RASA2: variants seen among roughly 807,000 people sequenced by gnomAD.
RASA2 encodes the protein RAS p21 protein activator 2.
In RASA2, 155 loss-of-function variants were observed where a neutral mutation model predicts 118.2. The ratio of observed to expected loss-of-function variants is 1.31; its 90% CI spans 1.15 to 1.50. RASA2 has a LOEUF of 1.50. RASA2 is among the 40% of genes most tolerant of loss of function. RASA2 has a pLI of 0.00. For missense variants in RASA2, 1,016 were observed against 1,009.6 expected, an observed-to-expected ratio of 1.01 and a Z score of -0.09; for synonymous variants, 353 against 349.1, an observed-to-expected ratio of 1.01 and a Z score of -0.12.
At chr3:141,597,327 C>G (rs190131780) in intron 19 of RASA2, among the ~76,000 whole-genome samples, 164 of 152,262 alleles carry the variant, frequency 1.1e-3, no homozygotes, top group Non-Finnish European at 3.8e-4. Flanking sequence ...AAAAATTACG[C>G]TAAGTGAAAG....
In RASA2 at chr3:141,601,442, C is replaced by CA. The variant is rs1389869393; in HGVS notation, c.1934-6227dup. Among the ~76,000 whole-genome samples the CA allele has an allele frequency of 4.2e-5, 6 of 143,796 alleles. No homozygotes were observed. In the East Asian group the frequency reaches 8.3e-4, roughly 20 times the overall value. 94.3% of individuals were successfully genotyped at this position (143,796 alleles called of 152,430 possible). A position where few individuals can be genotyped will look rare whatever the true frequency, so the allele number is the denominator to read the frequency against. On this transcript the variant is annotated intron_variant, in intron 19 of 23. Transcript: ENST00000286364. ...AGAGAGAGACTGTCTCCACTGTCTCCAAAAAAAAAGAAAAAAAAAAGATGA... is the reference window on the plus strand; with the variant it reads ...AGAGAGAGACTGTCTCCACTGTCTCCAAAAAAAAAAGAAAAAAAAAAGATGA...
At chr3:141,529,371 C>T (rs2082226727) in intron 3 of RASA2, among the ~76,000 whole-genome samples, 1 of 152,018 alleles carries the variant, frequency 6.6e-6, no homozygotes, top group Non-Finnish European at 1.5e-5. Flanking sequence ...TTTGCACTAC[C>T]ATTGTACCTT....
At chr3:141,558,676 CT>C (rs1178710292) in intron 7 of RASA2, among the ~76,000 whole-genome samples, 2 of 145,296 alleles carry the variant, frequency 1.4e-5, no homozygotes, top group Non-Finnish European at 3.1e-5. Context: ...GATGAACAAG[CT>C]GGTATTATTT....
chr3:141,536,767 T>C (rs535125943), intron 4 of RASA2, among the ~76,000 whole-genome samples: 2 of 151,128 alleles, frequency 1.3e-5, no homozygotes, highest in Admixed American at 1.3e-4. Context: ...GATTCTTTTT[T>C]TTTTTTTTTT....
At chr3:141,595,183 G>C (rs1475052241) in intron 19 of RASA2, among the ~76,000 whole-genome samples, 1 of 152,024 alleles carries the variant, frequency 6.6e-6, no homozygotes, top group African/African-American at 2.4e-5. Context: ...TGTGAGGAAG[G>C]GAAGAACAGA....
chr3:141,522,209 G>T (rs1020081582), intron 3 of RASA2, among the ~76,000 whole-genome samples: 3 of 151,908 alleles, frequency 2.0e-5, no homozygotes, highest in Admixed American at 6.6e-5. Context: ...CACACAGATT[G>T]TGCTGTTTTT....
chr3:141,587,041 C>G (rs1398674867), intron 19 of RASA2, among the ~76,000 whole-genome samples: 1 of 152,176 alleles, frequency 6.6e-6, no homozygotes, highest in Non-Finnish European at 1.5e-5. Flanking sequence ...AGAACAACAG[C>G]TAAACCTCTT....
chr3:141,518,482 C>CAAAAAAAAAAAAAAAAA (rs777543417), intron 3 of RASA2, among the ~76,000 whole-genome samples: 2 of 27,032 alleles, frequency 7.4e-5, no homozygotes, highest in Non-Finnish European at 1.4e-4. Flanking sequence ...GACACCATCT[C>CAAAAAAAAAAAAAAAAA]AAAAAAAAAA....
At chr3:141,535,395 A>G (rs1577697387) in intron 4 of RASA2, among the ~76,000 whole-genome samples, 1 of 152,176 alleles carries the variant, frequency 6.6e-6, no homozygotes, top group East Asian at 1.9e-4. Flanking sequence ...GAGTTATTTT[A>G]TATGGAAATG....
chr3:141,596,919 A>G (rs1246457710), intron 19 of RASA2, among the ~76,000 whole-genome samples: 1 of 152,216 alleles, frequency 6.6e-6, no homozygotes, highest in Non-Finnish European at 1.5e-5. Context: ...ACTACTATAC[A>G]TGTAACCTAG....
At chr3:141,496,472 G>GA (rs2081703991) in intron 1 of RASA2, among the ~76,000 whole-genome samples, 1 of 151,956 alleles carries the variant, frequency 6.6e-6, no homozygotes, top group Non-Finnish European at 1.5e-5. Context: ...AAATTTACAA[G>GA]AAAAAAACAA....
chr3:141,574,436 G>T (rs1002026975), intron 14 of RASA2, among the ~76,000 whole-genome samples: 1 of 152,044 alleles, frequency 6.6e-6, no homozygotes, highest in Non-Finnish European at 1.5e-5. Flanking sequence ...TGATCCGCCC[G>T]CCTCGGCCTC....
At chr3:141,535,943 C>G (rs1465579528) in intron 4 of RASA2, among the ~76,000 whole-genome samples, 2 of 152,130 alleles carry the variant, frequency 1.3e-5, no homozygotes, top group Non-Finnish European at 2.9e-5. Context: ...CTTATTTTCC[C>G]AAACTGTATG....
chr3:141,540,452 T>G, intron 4 of RASA2, 81 bp from the exon 5 acceptor site: 1 of 1,120,064 alleles, frequency 8.9e-7, no homozygotes, highest in South Asian at 1.3e-5. Flanking sequence ...ATAAATACTG[T>G]GGTGATTTGA....
chr3:141,556,010 C>T (rs1353552231), intron 7 of RASA2, 98 bp downstream of exon 7: 3 of 919,722 alleles, frequency 3.3e-6, no homozygotes, highest in Admixed American at 2.5e-5. Flanking sequence ...ATCATTTTAT[C>T]AATTAATGCA....
chr3:141,490,856 A>G (rs1418180828), intron 1 of RASA2, among the ~76,000 whole-genome samples: 2 of 152,308 alleles, frequency 1.3e-5, no homozygotes, highest in African/African-American at 2.4e-5. Context: ...AAAAATACCT[A>G]TCTCACGGGT....
intron 17 of RASA2, among the ~76,000 whole-genome samples, chr3:141,582,339 A>ATCTC (rs997119823): frequency 1.6e-4 from 24 of 152,352 alleles, no homozygotes; most frequent in African/African-American, 5.3e-4. Flanking sequence ...TTGAGGAGAA[A>ATCTC]GTCTTTCAAA....
At chr3:141,592,362 A>G (rs1189906791) in intron 19 of RASA2, among the ~76,000 whole-genome samples, 2 of 152,208 alleles carry the variant, frequency 1.3e-5, no homozygotes, top group African/African-American at 4.8e-5. Flanking sequence ...GATAAGAGAA[A>G]GCTCTTGTGG....
chr3:141,559,649 C>G (rs904806999), intron 8 of RASA2, among the ~76,000 whole-genome samples: 1 of 152,148 alleles, frequency 6.6e-6, no homozygotes, highest in Non-Finnish European at 1.5e-5. Flanking sequence ...GACTTTCAAA[C>G]TAAGACAGTT....
Sources: gnomAD v4.1 joint callset for allele counts (sites outside exome capture counted in the v4.1 genomes callset) on GRCh38, gnomAD v4.1.1 for gene constraint, MANE v1.5 for transcripts, NCBI Gene and HGNC (gene_info 2026-07-23, HGNC 2026-07-21) for gene names.